The following EIF3J variants were observed in gnomAD, a reference collection of about 807,000 sequenced individuals.
EIF3J encodes the protein eukaryotic translation initiation factor 3 subunit J.
In EIF3J, 15 loss-of-function variants were observed where a neutral mutation model predicts 39.0. The ratio of observed to expected loss-of-function variants is 0.38; its 90% CI spans 0.26 to 0.59. The LOEUF (loss-of-function observed/expected upper bound fraction) is 0.59. EIF3J is among the 20% of genes least tolerant of loss of function. EIF3J has a pLI of 0.60. For synonymous variants in EIF3J, 98 were observed against 112.9 expected, an observed-to-expected ratio of 0.87 and a Z score of 0.84; for missense variants, 226 against 308.6, an observed-to-expected ratio of 0.73 and a Z score of 2.00.
chr15:44,551,219 G>A (rs981492473), intron 3 of EIF3J, among the ~76,000 whole-genome samples: 1 of 152,138 alleles, frequency 6.6e-6, no homozygotes, highest in Non-Finnish European at 1.5e-5. Context: ...CCTATAGGAC[G>A]GTGGGGAAAT....
chr15:44,537,163 TC>T lies in EIF3J; in HGVS notation c.-29del. On this transcript the variant is annotated 5_prime_UTR_variant, in exon 1 of 8. Transcript: ENST00000261868. The stretch of plus-strand genomic sequence containing the variant: ...CGCCGTGCTAACTCCTCGCTAGCTC[TC>T]CCTCTCACACACGCTCACACCCGGC... 6.2e-7 allele frequency: 1 copy of T among 1,612,804 alleles called. No individual in the cohort carries two copies. The highest frequency in any genetic ancestry group is 8.5e-7 in the Non-Finnish European group (1 of 1,179,414).
In EIF3J at chr15:44,557,476, T is replaced by C. The variant is rs1376530422; in HGVS notation, c.410-13T>C. On this transcript the variant is annotated splice_polypyrimidine_tract_variant and intron_variant, in intron 5 of 7. Transcript: ENST00000261868. ...ACCTCCTGATACTTTTCAGTGCTTC[T>C]TTTCTCCTACAGGTGTTAATAATGC... is the stretch of plus-strand genomic sequence containing the variant. 6.7e-7 allele frequency: 1 copy of C among 1,492,070 alleles called. No individual in the cohort carries two copies. The highest frequency in any genetic ancestry group is 1.4e-5 in the South Asian group (1 of 69,932). 92.4% of individuals were successfully genotyped at this position (1,492,070 alleles called of 1,614,324 possible). A position where few individuals can be genotyped will look rare whatever the true frequency, so the allele number is the denominator to read the frequency against.
chr15:44,552,010 A>G (rs1281627713), intron 4 of EIF3J, among the ~76,000 whole-genome samples: 2 of 151,924 alleles, frequency 1.3e-5, no homozygotes, highest in African/African-American at 4.8e-5. Context: ...TTTAGTAGAG[A>G]TAGGGTTTCA....
chr15:44,545,422 G>A (rs2082045545), intron 2 of EIF3J, among the ~76,000 whole-genome samples: 1 of 152,114 alleles, frequency 6.6e-6, no homozygotes, highest in South Asian at 2.1e-4. Flanking sequence ...CTCTAAAGAT[G>A]TGTTGTAAGC....
At chr15:44,560,657 TAA>T (rs1447593381) in intron 7 of EIF3J, 1 of 342,886 alleles carries the variant, frequency 2.9e-6, no homozygotes, top group African/African-American at 2.1e-5. Context: ...AGAGTATTTA[TAA>T]GAGTAAAGTA....
intron 3 of EIF3J, 61 bp from the exon 4 acceptor site, chr15:44,551,370 G>C (rs2082097682): frequency 9.2e-7 from 1 of 1,083,212 alleles, no homozygotes; most frequent in African/African-American, 1.6e-5. Context: ...TATCATGTCT[G>C]TCTCATCCAT....
rs770636670 is a variant in EIF3J at position 44,561,150 on chromosome 15, C to A, written c.*1C>A. On this transcript the variant is annotated 3_prime_UTR_variant, in exon 8 of 8. Transcript: ENST00000261868. ...ACAAGACTATGAAGACTTCATGTGA[C>A]ATTTTATCTTTTCTTGGTGTCATCT... 6.2e-7 allele frequency: 1 copy of A among 1,608,330 alleles called. No homozygotes were observed. The highest frequency in any genetic ancestry group is 1.1e-5 in the South Asian group (1 of 90,760).
At chr15:44,553,927 C>T (rs2082122122) in intron 4 of EIF3J, among the ~76,000 whole-genome samples, 1 of 152,148 alleles carries the variant, frequency 6.6e-6, no homozygotes, top group African/African-American at 2.4e-5. Context: ...TTTACCTTGT[C>T]CACAGTCTCA....
intron 4 of EIF3J, among the ~76,000 whole-genome samples, chr15:44,552,621 A>G (rs149419615): frequency 0.014 from 2,085 of 150,382 alleles, 72 homozygotes; most frequent in East Asian, 0.14. Context: ...CGGGAGTGCA[A>G]TGGCGTGATC....
At chr15:44,544,669 A>G (rs186973435) in intron 2 of EIF3J, among the ~76,000 whole-genome samples, 3 of 135,568 alleles carry the variant, frequency 2.2e-5, no homozygotes, top group African/African-American at 8.4e-5. Flanking sequence ...GTGCCATTGC[A>G]CTCCAGCCTG....
intron 2 of EIF3J, among the ~76,000 whole-genome samples, chr15:44,544,012 A>G (rs774664053): frequency 2.0e-5 from 3 of 149,928 alleles, no homozygotes; most frequent in Non-Finnish European, 3.0e-5. Context: ...GGAGCTCCTT[A>G]TTTTCAGCCA....
At chr15:44,539,732 C>CTTT (rs77942286) in intron 2 of EIF3J, among the ~76,000 whole-genome samples, 27 of 129,236 alleles carry the variant, frequency 2.1e-4, no homozygotes, top group African/African-American at 7.1e-4. Context: ...ATTTCTTTTT[C>CTTT]TTTTTTTTTT....
chr15:44,545,309 TG>T (rs2082044727), intron 2 of EIF3J, among the ~76,000 whole-genome samples: 1 of 152,224 alleles, frequency 6.6e-6, no homozygotes, highest in Admixed American at 6.5e-5. Flanking sequence ...TGTAAGCAAG[TG>T]TTTAAAACAT....
At chr15:44,545,953 T>G (rs775609276) in intron 2 of EIF3J, among the ~76,000 whole-genome samples, 3 of 152,200 alleles carry the variant, frequency 2.0e-5, no homozygotes, top group Admixed American at 1.3e-4. Flanking sequence ...AGGACTGTTG[T>G]GAGAATTAAC....
At chr15:44,560,900 A>T in intron 7 of EIF3J, 118 bp from the exon 8 acceptor site, 1 of 1,370,620 alleles carries the variant, frequency 7.3e-7, no homozygotes, top group Non-Finnish European at 9.8e-7. Context: ...GATGTCCCTT[A>T]CAGAACTAGT....
chr15:44,541,315 AGAACAGTTT>A (rs1206330762), intron 2 of EIF3J, among the ~76,000 whole-genome samples: 2 of 152,254 alleles, frequency 1.3e-5, no homozygotes, highest in Admixed American at 6.5e-5. Flanking sequence ...GCATTTCAGT[AGAACAGTTT>A]AGAAGCTAGA....
At chr15:44,549,983 A>G (rs1428979081) in intron 2 of EIF3J, among the ~76,000 whole-genome samples, 1 of 151,134 alleles carries the variant, frequency 6.6e-6, no homozygotes, top group Non-Finnish European at 1.5e-5. Context: ...GGTAAATTTT[A>G]TTGCATAAAT....
chr15:44,552,654 C>T (rs372155280), intron 4 of EIF3J, among the ~76,000 whole-genome samples: 13 of 151,980 alleles, frequency 8.6e-5, no homozygotes, highest in East Asian at 1.9e-4. Context: ...AACCTTCTCC[C>T]GGGTTCAAGT....
chr15:44,545,428 T>TTACTCTA (rs1159622225), intron 2 of EIF3J, among the ~76,000 whole-genome samples: 1 of 152,208 alleles, frequency 6.6e-6, no homozygotes, highest in African/African-American at 2.4e-5. Context: ...AGATGTGTTG[T>TTACTCTA]AAGCTGCTTT....
Sources: gnomAD v4.1 joint callset for allele counts (sites outside exome capture counted in the v4.1 genomes callset) on GRCh38, gnomAD v4.1.1 for gene constraint, MANE v1.5 for transcripts, NCBI Gene and HGNC (gene_info 2026-07-23, HGNC 2026-07-21) for gene names.